CSMD1: variants seen among roughly 807,000 people sequenced by gnomAD.
CSMD1 encodes the protein CUB and Sushi multiple domains 1.
CSMD1 carries 213 observed loss-of-function variants against 417.5 expected under a neutral mutation model. That is an observed-to-expected ratio of 0.51 (90% CI 0.46 to 0.57). CSMD1 has a LOEUF of 0.57. Ranked by LOEUF, CSMD1 falls within the 20% of genes least tolerant of loss-of-function variation. The pLI, the probability that CSMD1 is intolerant of heterozygous loss-of-function variation, is 0.00. For missense variants in CSMD1, 6,923 were observed against 4,529.7 expected, an observed-to-expected ratio of 1.53 and a Z score of -15.17; for synonymous variants, 2,862 against 1,736.8, an observed-to-expected ratio of 1.65 and a Z score of -16.11.
chr8:4,038,753 T>G (rs1797742214), intron 3 of CSMD1, among the ~76,000 whole-genome samples: 1 of 152,170 alleles, frequency 6.6e-6, no homozygotes, highest in African/African-American at 2.4e-5. Context: ...ATGCAGACAT[T>G]TGGTAACGTG....
intron 1 of CSMD1, among the ~76,000 whole-genome samples, chr8:4,737,999 C>T (rs1247081380): frequency 6.6e-6 from 1 of 152,140 alleles, no homozygotes; most frequent in Non-Finnish European, 1.5e-5. Context: ...GATAGCATAT[C>T]CTTTCTCCAC....
Position 3,815,641 on chromosome 8 carries a change from T to TA in CSMD1, c.819-61600dup, listed in dbSNP as rs1554446593. Among the ~76,000 whole-genome samples the TA allele has an allele frequency of 4.8e-3, 677 of 141,292 alleles. 4 individuals carry two copies. Among genetic ancestry groups the TA allele is most frequent in the African/African-American group, 0.016 (619 of 38,498 alleles). 92.7% of individuals were successfully genotyped at this position (141,292 alleles called of 152,430 possible). ...GCTAGACTTTCTTTTTTTTTTTTTT[T>TA]AACAAATAAACAACCTAGACAATAT... On this transcript the variant is annotated intron_variant, in intron 5 of 69. Coordinates refer to ENST00000635120, the MANE Select transcript of CSMD1 (RefSeq NM_033225.6).
At chr8:3,283,205 G>A (rs534557820) in intron 26 of CSMD1, among the ~76,000 whole-genome samples, 1 of 152,158 alleles carries the variant, frequency 6.6e-6, no homozygotes, top group Non-Finnish European at 1.5e-5. Context: ...TTCACGGACC[G>A]TCCTGAACCG....
At chr8:4,746,623 G>A (rs985657833) in intron 1 of CSMD1, among the ~76,000 whole-genome samples, 1 of 152,166 alleles carries the variant, frequency 6.6e-6, no homozygotes, top group African/African-American at 2.4e-5. Flanking sequence ...CAGCTGGGTA[G>A]GATAATTATA....
intron 7 of CSMD1, among the ~76,000 whole-genome samples, chr8:3,659,534 T>A (rs536968768): frequency 6.6e-6 from 1 of 152,342 alleles, no homozygotes; most frequent in Admixed American, 6.5e-5. Flanking sequence ...TGTCCTGGGA[T>A]GATCCTAGTT....
At chr8:3,973,755 C>T (rs559475054) in intron 5 of CSMD1, among the ~76,000 whole-genome samples, 1 of 152,296 alleles carries the variant, frequency 6.6e-6, no homozygotes, top group South Asian at 2.1e-4. Context: ...CTAATGCAAA[C>T]CAACCAGTGT....
chr8:4,400,130 T>C (rs369954570), intron 3 of CSMD1, among the ~76,000 whole-genome samples: 1 of 152,138 alleles, frequency 6.6e-6, no homozygotes, highest in African/African-American at 2.4e-5. Flanking sequence ...TCTATAGTAA[T>C]TTGTATTTGG....
chr8:3,158,654 C>G (rs183133979), intron 38 of CSMD1, among the ~76,000 whole-genome samples: 47 of 150,994 alleles, frequency 3.1e-4, no homozygotes, highest in Admixed American at 2.6e-3. Context: ...AAAAAACAAA[C>G]AGTAGAGGGT....
At chr8:4,255,249 A>T (rs923031653) in intron 3 of CSMD1, among the ~76,000 whole-genome samples, 14 of 152,164 alleles carry the variant, frequency 9.2e-5, no homozygotes, top group African/African-American at 3.1e-4. Flanking sequence ...CTAAAATTTT[A>T]TCCAGTGAAT....
At chr8:3,667,701 C>T (rs1455312092) in intron 7 of CSMD1, among the ~76,000 whole-genome samples, 1 of 152,118 alleles carries the variant, frequency 6.6e-6, no homozygotes, top group Non-Finnish European at 1.5e-5. Flanking sequence ...CTGAATTGAG[C>T]TGTTAGAGGA....
At chr8:4,183,215 T>A (rs977944364) in intron 3 of CSMD1, among the ~76,000 whole-genome samples, 1 of 152,156 alleles carries the variant, frequency 6.6e-6, no homozygotes, top group Non-Finnish European at 1.5e-5. Context: ...ATACAGAGTT[T>A]GGAAAATGGA....
rs150000042 is a variant in CSMD1, at chr8:3,858,083, C to G, written c.819-104041G>C. 2.5e-4 allele frequency among the ~76,000 whole-genome samples: 38 copies of G among 152,360 alleles called. No individual in the cohort carries two copies. The East Asian group carries it at 6.9e-3, about 28-fold the overall frequency. The stretch of plus-strand genomic sequence containing the variant: ...TGTCTGTAAAGATAGCAATTTGTGA[C>G]TGTCCAATTGAATTTTAATAACATA... On this transcript the variant is annotated intron_variant, in intron 5 of 69. Transcript: ENST00000635120.
intron 1 of CSMD1, among the ~76,000 whole-genome samples, chr8:4,658,146 CA>C (rs1804360972): frequency 6.6e-6 from 1 of 151,516 alleles, no homozygotes; most frequent in South Asian, 2.1e-4. Context: ...ATAAAAAATC[CA>C]AAAGGGAAGG....
At chr8:3,780,384 C>T (rs920477045) in intron 5 of CSMD1, among the ~76,000 whole-genome samples, 7 of 152,150 alleles carry the variant, frequency 4.6e-5, no homozygotes, top group Non-Finnish European at 7.3e-5. Flanking sequence ...CGGCCTGGTC[C>T]TTAATTATCG....
chr8:3,889,110 T>G (rs1180280896), intron 5 of CSMD1, among the ~76,000 whole-genome samples: 2 of 152,036 alleles, frequency 1.3e-5, no homozygotes, highest in Admixed American at 6.6e-5. Flanking sequence ...TGCTGCAAGT[T>G]AGAAGTTTTA....
At chr8:3,955,213 C>T (rs1811860622) in intron 5 of CSMD1, among the ~76,000 whole-genome samples, 1 of 152,130 alleles carries the variant, frequency 6.6e-6, no homozygotes, top group African/African-American at 2.4e-5. Context: ...CTTGAATGCG[C>T]CTCTCTCTCC....
chr8:3,286,797 T>C (rs1222709134), intron 25 of CSMD1, among the ~76,000 whole-genome samples: 1 of 152,194 alleles, frequency 6.6e-6, no homozygotes, highest in Non-Finnish European at 1.5e-5. Flanking sequence ...GATGGTAGTT[T>C]CTTGTGCTGT....
chr8:4,433,020 A>G (rs1049307660), intron 2 of CSMD1, among the ~76,000 whole-genome samples: 2 of 152,026 alleles, frequency 1.3e-5, no homozygotes, highest in Non-Finnish European at 2.9e-5. Context: ...GAGCGTCAAC[A>G]CTGTCGTGAA....
chr8:4,435,259 G>C (rs992458739), intron 2 of CSMD1, among the ~76,000 whole-genome samples: 1 of 152,100 alleles, frequency 6.6e-6, no homozygotes, highest in African/African-American at 2.4e-5. Context: ...TGTTTTATAA[G>C]TACTTTGTTA....
Sources: allele counts gnomAD v4.1 joint callset (sites outside exome capture counted in the v4.1 genomes callset), GRCh38; gene constraint gnomAD v4.1.1; transcripts MANE v1.5; gene names NCBI Gene and HGNC (gene_info 2026-07-23, HGNC 2026-07-21).